The following MAP4K3 variants were observed in gnomAD, a reference collection of about 807,000 sequenced individuals.
MAP4K3 encodes mitogen-activated protein kinase kinase kinase kinase 3.
A neutral mutation model predicts 143.5 loss-of-function variants in MAP4K3; 94 were observed. The ratio of observed to expected loss-of-function variants is 0.65; its 90% CI spans 0.55 to 0.78. The LOEUF is 0.78. MAP4K3 is among the 30% of genes least tolerant of loss of function. The pLI is 0.00. For missense variants in MAP4K3, 1,077 were observed against 1,068.1 expected, an observed-to-expected ratio of 1.01 and a Z score of -0.12; for synonymous variants, 416 against 347.2, an observed-to-expected ratio of 1.20 and a Z score of -2.20.
At chr2:39,260,391 C>A (rs913261323) in intron 29 of MAP4K3, among the ~76,000 whole-genome samples, 1 of 152,118 alleles carries the variant, frequency 6.6e-6, no homozygotes, top group South Asian at 2.1e-4. Flanking sequence ...ACTGGGATTA[C>A]TGGCGTGACC....
chr2:39,332,052 T>C, intron 7 of MAP4K3, 63 bp from the exon 8 acceptor site: 2 of 906,622 alleles, frequency 2.2e-6, no homozygotes, highest in Middle Eastern at 2.8e-4. Flanking sequence ...TAAGGCAACA[T>C]AAAAAGAAAC....
At chr2:39,301,546 A>G (rs921362524) in intron 15 of MAP4K3, among the ~76,000 whole-genome samples, 2 of 152,202 alleles carry the variant, frequency 1.3e-5, no homozygotes, top group African/African-American at 4.8e-5. Flanking sequence ...CAATCTCTTA[A>G]GCCTTTAATC....
intron 1 of MAP4K3, among the ~76,000 whole-genome samples, chr2:39,406,704 A>T (rs183061702): frequency 3.4e-4 from 52 of 152,294 alleles, no homozygotes; most frequent in Admixed American, 6.5e-4. Context: ...TTAACACCAG[A>T]CCTGTCCTAC....
chr2:39,377,927 G>A, intron 2 of MAP4K3, 139 bp downstream of exon 2: 1 of 629,626 alleles, frequency 1.6e-6, no homozygotes, highest in Non-Finnish European at 2.8e-6. Context: ...AAGAAGTGGA[G>A]GAAAGGGCAT....
intron 2 of MAP4K3, among the ~76,000 whole-genome samples, chr2:39,372,356 T>C (rs998248078): frequency 1.3e-5 from 2 of 151,952 alleles, no homozygotes; most frequent in Non-Finnish European, 2.9e-5. Flanking sequence ...AAAATGTCCA[T>C]ACTACCCAAA....
At chr2:39,317,789 G>T (rs1044654653) in intron 12 of MAP4K3, among the ~76,000 whole-genome samples, 4 of 152,032 alleles carry the variant, frequency 2.6e-5, no homozygotes, top group Non-Finnish European at 5.9e-5. Context: ...AAAAGGGAAC[G>T]GTTACACACT....
At chr2:39,251,276 C>A (rs748319655) in intron 33 of MAP4K3, among the ~76,000 whole-genome samples, 3 of 152,132 alleles carry the variant, frequency 2.0e-5, no homozygotes, top group Admixed American at 2.0e-4. Flanking sequence ...CAGTCCTGCC[C>A]GCATGATCAA....
intron 1 of MAP4K3, among the ~76,000 whole-genome samples, chr2:39,431,627 G>A (rs1022427209): frequency 3.3e-5 from 5 of 152,172 alleles, no homozygotes; most frequent in African/African-American, 1.2e-4. Context: ...TATTGGTGGG[G>A]AGGGGTGGAT....
intron 1 of MAP4K3, among the ~76,000 whole-genome samples, chr2:39,424,350 G>C (rs1664993470): frequency 6.6e-6 from 1 of 152,072 alleles, no homozygotes; most frequent in African/African-American, 2.4e-5. Flanking sequence ...AATCAAGGTG[G>C]GAGGGGATGG....
chr2:39,316,225 C>T (rs1683108889), intron 12 of MAP4K3, among the ~76,000 whole-genome samples: 1 of 151,926 alleles, frequency 6.6e-6, no homozygotes, highest in Admixed American at 6.6e-5. Context: ...TAAATGTGAT[C>T]ACAAAGGAAT....
intron 2 of MAP4K3, among the ~76,000 whole-genome samples, chr2:39,364,102 C>A (rs886472696): frequency 9.9e-5 from 15 of 151,238 alleles, no homozygotes; most frequent in African/African-American, 3.2e-4. Flanking sequence ...GAAAACAGTA[C>A]AGAAGTTCCT....
chr2:39,360,746 G>A (rs986710895), intron 2 of MAP4K3, among the ~76,000 whole-genome samples: 2 of 152,052 alleles, frequency 1.3e-5, no homozygotes, highest in African/African-American at 4.8e-5. Context: ...AAGAAGTATG[G>A]GCAAAAGGGG....
At chr2:39,387,834 T>C (rs1666550522) in intron 1 of MAP4K3, among the ~76,000 whole-genome samples, 1 of 152,198 alleles carries the variant, frequency 6.6e-6, no homozygotes, top group African/African-American at 2.4e-5. Context: ...GCTCTTTGTT[T>C]CTTAAAACCA....
intron 23 of MAP4K3, among the ~76,000 whole-genome samples, chr2:39,280,065 A>C (rs954793351): frequency 3.9e-5 from 6 of 152,210 alleles, no homozygotes; most frequent in Non-Finnish European, 5.9e-5. Context: ...TGATATGGTA[A>C]CTATACAGTG....
At chr2:39,343,759 T>C (rs1665207480) in intron 3 of MAP4K3, among the ~76,000 whole-genome samples, 1 of 152,180 alleles carries the variant, frequency 6.6e-6, no homozygotes, top group South Asian at 2.1e-4. Flanking sequence ...TTTATACATC[T>C]ACCCAGATTC....
At position 39,334,958 on chromosome 2, in the gene MAP4K3, T is replaced by A. The variant is rs189412119; in HGVS notation, c.415-1384A>T. Reference sequence around the variant, plus strand: ...AGTAATATATGAGCAGAGATCTGGGTGAAGTAAGGGTACAGAGCCACACCA... The same window carrying A: ...AGTAATATATGAGCAGAGATCTGGGAGAAGTAAGGGTACAGAGCCACACCA... On this transcript the variant is annotated intron_variant, in intron 6 of 33. Coordinates refer to ENST00000263881, the MANE Select transcript of MAP4K3 (RefSeq NM_003618.4). Among the ~76,000 whole-genome samples, 256 of 152,076 alleles carry A rather than the reference T, an allele frequency of 1.7e-3. 1 individual carries two copies. Among genetic ancestry groups the A allele is most frequent in the Non-Finnish European group, 2.6e-3 (174 of 67,986 alleles).
At position 39,267,206 on chromosome 2, in the gene MAP4K3, C is replaced by A. The variant is rs527631250; in HGVS notation, c.2015G>T (p.Cys672Phe). The A allele has an allele frequency of 1.9e-6, 3 of 1,614,030 alleles. No individual in the cohort carries two copies. Among genetic ancestry groups the A allele is most frequent in the Admixed American group, 3.3e-5 (2 of 60,018 alleles). ...VSAKIPETKWCQKCCVVRNPY... is the reference protein window; with the variant it reads ...VSAKIPETKWFQKCCVVRNPY... ...TTACTTACCAACACAACACTTCTGG[C>A]ACCATTTGGTTTCAGGGATTTTTGC... The change falls in exon 27 of 34, where the codon TGC (cysteine) becomes TTC (phenylalanine). Residue 672 changes from cysteine to phenylalanine, a missense_variant. Transcript: ENST00000263881.
At chr2:39,411,293 G>A (rs1405769284) in intron 1 of MAP4K3, among the ~76,000 whole-genome samples, 1 of 152,162 alleles carries the variant, frequency 6.6e-6, no homozygotes, top group East Asian at 1.9e-4. Flanking sequence ...GAAGGCAGAT[G>A]TTTTCCCTAC....
At chr2:39,369,744 C>T (rs1666030398) in intron 2 of MAP4K3, among the ~76,000 whole-genome samples, 1 of 152,184 alleles carries the variant, frequency 6.6e-6, no homozygotes. Flanking sequence ...ATAAGTTAGG[C>T]TACATCAGCC....
Sources: gnomAD v4.1 joint callset for allele counts (sites outside exome capture counted in the v4.1 genomes callset) on GRCh38, gnomAD v4.1.1 for gene constraint, MANE v1.5 for transcripts, NCBI Gene and HGNC (gene_info 2026-07-23, HGNC 2026-07-21) for gene names.